HSD17B3: variants seen among roughly 807,000 people sequenced by gnomAD.
HSD17B3 encodes the protein 17-beta-hydroxysteroid dehydrogenase type 3.
Under a neutral mutation model 41.1 loss-of-function variants are expected in HSD17B3, and 29 were observed. The observed-to-expected ratio is 0.71, with a 90% confidence interval of 0.53 to 0.96. The LOEUF (loss-of-function observed/expected upper bound fraction) is 0.96, where lower values mean the gene tolerates loss of function less well. Among genes scored for constraint, HSD17B3 ranks in the 40% least tolerant of loss-of-function variants. The probability of loss-of-function intolerance (pLI) is 0.00; values close to 1 mark genes in which losing one functional copy is unlikely to be tolerated. For missense variants in HSD17B3, 323 were observed against 374.6 expected (o/e 0.86, Z 1.14); for synonymous variants, 126 against 145.6 (o/e 0.87, Z 0.97).
At chr9:96,248,753 C>T (rs2130721762) in intron 6 of HSD17B3, among the ~76,000 whole-genome samples, 1 of 152,302 alleles carries the variant, frequency 6.6e-6, no homozygotes, top group East Asian at 1.9e-4. Context: ...AGTCACACAG[C>T]CTCAAGCTGT....
chr9:96,267,883 G>C (rs1826097592), intron 2 of HSD17B3, among the ~76,000 whole-genome samples: 1 of 151,996 alleles, frequency 6.6e-6, no homozygotes, highest in South Asian at 2.1e-4. Flanking sequence ...AACCCTAGCT[G>C]TGCCCCCACA....
rs761180848 is a variant in HSD17B3, at chr9:96,254,858, G to C, written c.277+10C>G. ...CCACACACATCTCCCTTATTTGGGG[G>C]GTCACTCACCGATCTCTGTGGCAAT... On this transcript the variant is annotated intron_variant, in intron 3 of 10. Transcript: ENST00000375263. 1.9e-5 allele frequency: 30 copies of C among 1,611,464 alleles called. No homozygotes were observed. Among genetic ancestry groups the C allele is most frequent in the Non-Finnish European group, 2.5e-5 (29 of 1,177,832 alleles).
chr9:96,279,713 C>A (rs1158168258), intron 2 of HSD17B3, among the ~76,000 whole-genome samples: 4 of 151,910 alleles, frequency 2.6e-5, no homozygotes, highest in African/African-American at 9.7e-5. Context: ...ACTTTGATTT[C>A]TTTTAGGGCC....
intron 2 of HSD17B3, among the ~76,000 whole-genome samples, chr9:96,272,405 C>CTATATATATA (rs1199705437): frequency 7.4e-4 from 16 of 21,532 alleles, no homozygotes; most frequent in Non-Finnish European, 9.6e-4. Context: ...CTCTCTCTCT[C>CTATATATATA]TATATATATA....
chr9:96,250,373 T>A, intron 5 of HSD17B3: 1 of 1,072,758 alleles, frequency 9.3e-7, no homozygotes, highest in Non-Finnish European at 1.1e-6. Flanking sequence ...ACAGGAGATG[T>A]GTGGTCCAGA....
rs1420383280 is a variant in HSD17B3, at chr9:96,240,869, C to T, written c.711G>A (p.Lys237=). The T allele has an allele frequency of 1.2e-6, 2 of 1,614,164 alleles. No individual in the cohort carries two copies. Among genetic ancestry groups the T allele is most frequent in the Non-Finnish European group, 1.7e-6 (2 of 1,180,032 alleles). Residue 237 remains lysine (K), a synonymous_variant, in exon 10 of 11, where the codon AAG becomes AAA. Transcript: ENST00000375263. ...TPYAVSTAMT[K]YLNTNVITKT... ...TGGTTATCACATTTGTATTTAGATA[C>T]TTTGTCATTGCAGTCGAGACAGCAT...
chr9:96,284,257 T>C (rs1418693805), intron 2 of HSD17B3, among the ~76,000 whole-genome samples: 1 of 149,470 alleles, frequency 6.7e-6, no homozygotes, highest in African/African-American at 2.4e-5. Flanking sequence ...AGTAATCTTT[T>C]TAAACTTTTT....
chr9:96,286,764 C>T (rs947827694), intron 2 of HSD17B3, among the ~76,000 whole-genome samples: 7 of 152,016 alleles, frequency 4.6e-5, no homozygotes, highest in Non-Finnish European at 1.0e-4. Flanking sequence ...GCTACACCCC[C>T]ACCAGCACCA....
intron 2 of HSD17B3, among the ~76,000 whole-genome samples, chr9:96,289,771 C>G (rs1008296601): frequency 1.3e-5 from 2 of 152,044 alleles, no homozygotes; most frequent in African/African-American, 4.8e-5. Context: ...GAACAGGACT[C>G]AATCTTATTT....
intron 8 of HSD17B3, among the ~76,000 whole-genome samples, chr9:96,245,143 G>A (rs1464750513): frequency 2.6e-5 from 4 of 152,200 alleles, no homozygotes; most frequent in Admixed American, 1.3e-4. Flanking sequence ...GCCAAGTTGT[G>A]CACCGCAGGG....
chr9:96,263,255 AG>A (rs1182048640), intron 2 of HSD17B3, among the ~76,000 whole-genome samples: 5 of 152,156 alleles, frequency 3.3e-5, no homozygotes, highest in Non-Finnish European at 5.9e-5. Flanking sequence ...GCTCTTTCTC[AG>A]GTTCATGGTC....
At chr9:96,259,246 G>C (rs1825773456) in intron 2 of HSD17B3, among the ~76,000 whole-genome samples, 1 of 152,124 alleles carries the variant, frequency 6.6e-6, no homozygotes. Context: ...TAGGCATCTG[G>C]GTGGACAATG....
chr9:96,240,625 A>G (rs1836400418), intron 10 of HSD17B3, 133 bp downstream of exon 10: 7 of 941,842 alleles, frequency 7.4e-6, no homozygotes, highest in African/African-American at 1.6e-5. Flanking sequence ...ACCTCGCCAC[A>G]TAGTCCTTGT....
rs755385508 is a variant in HSD17B3, at chr9:96,252,898, C to G, written c.290G>C (p.Gly97Ala). 7 of 1,608,242 alleles carry G rather than the reference C, an allele frequency of 4.4e-6. No homozygotes were observed. The highest frequency in any genetic ancestry group is 5.1e-6 in the Non-Finnish European group (6 of 1,174,932). Residue 97 changes from glycine (G) to alanine (A), a missense_variant, in exon 4 of 11, where the codon GGG becomes GCG. Coordinates refer to ENST00000375263, the MANE Select transcript of HSD17B3 (RefSeq NM_000197.2). Reference protein sequence around the residue: ...AIATEIERTTGRSVKIIQADF... With the variant: ...AIATEIERTTARSVKIIQADF... ...TGCTTGTATAATCTTCACACTCCTC[C>G]CTGTAGTCCGCTCTACACGAGAGAC...
At chr9:96,265,673 A>G (rs1163393985) in intron 2 of HSD17B3, among the ~76,000 whole-genome samples, 1 of 152,250 alleles carries the variant, frequency 6.6e-6, no homozygotes. Flanking sequence ...CATATCAACT[A>G]AAATAGGCAT....
At chr9:96,249,344 T>C (rs899424412) in intron 6 of HSD17B3, among the ~76,000 whole-genome samples, 8 of 152,230 alleles carry the variant, frequency 5.3e-5, no homozygotes, top group Non-Finnish European at 1.0e-4. Flanking sequence ...AAATATTTAT[T>C]GAACAACAAA....
At chr9:96,237,737 T>G (rs1836286294) in intron 10 of HSD17B3, among the ~76,000 whole-genome samples, 1 of 152,250 alleles carries the variant, frequency 6.6e-6, no homozygotes, top group Admixed American at 6.5e-5. Context: ...TCTCTCCTAT[T>G]TCACCAGGCA....
chr9:96,243,953 TC>T (rs1223851745), intron 9 of HSD17B3, among the ~76,000 whole-genome samples: 6 of 152,224 alleles, frequency 3.9e-5, no homozygotes, highest in African/African-American at 1.4e-4. Context: ...CCAGAATTCC[TC>T]CCACATAAGC....
intron 2 of HSD17B3, among the ~76,000 whole-genome samples, chr9:96,268,020 G>T (rs1266543007): frequency 6.6e-6 from 1 of 152,140 alleles, no homozygotes; most frequent in African/African-American, 2.4e-5. Context: ...TGTCTCCTGG[G>T]TTCAAGCGAT....
Sources: gnomAD v4.1 joint callset for allele counts (sites outside exome capture counted in the v4.1 genomes callset) on GRCh38, gnomAD v4.1.1 for gene constraint, MANE v1.5 for transcripts, NCBI Gene and HGNC (gene_info 2026-07-23, HGNC 2026-07-21) for gene names.